The following ITFG1 variants were observed in gnomAD, a reference collection of about 807,000 sequenced individuals.
ITFG1 encodes the protein T-cell immunomodulatory protein.
Under a neutral mutation model 81.8 loss-of-function variants are expected in ITFG1, and 34 were observed. That is an observed-to-expected ratio of 0.42 (90% CI 0.32 to 0.55). The LOEUF is 0.55. Among genes scored for constraint, ITFG1 ranks in the 20% least tolerant of loss-of-function variants. ITFG1 has a pLI of 0.17. For missense variants in ITFG1, 672 were observed against 755.4 expected (o/e 0.89, Z 1.29); for synonymous variants, 285 against 270.6 (o/e 1.05, Z -0.52).
chr16:47,408,263 G>A (rs575153950), intron 6 of ITFG1, among the ~76,000 whole-genome samples: 3 of 152,276 alleles, frequency 2.0e-5, no homozygotes, highest in African/African-American at 7.2e-5. Context: ...TGAAAAGTAT[G>A]TGTGATATTA....
intron 8 of ITFG1, among the ~76,000 whole-genome samples, chr16:47,350,991 C>T (rs1183191296): frequency 1.3e-5 from 2 of 152,110 alleles, no homozygotes; most frequent in South Asian, 2.1e-4. Context: ...GCAGAAAAGG[C>T]CTTTGACAAA....
At chr16:47,251,835 T>G (rs1966079467) in intron 12 of ITFG1, among the ~76,000 whole-genome samples, 1 of 152,248 alleles carries the variant, frequency 6.6e-6, no homozygotes, top group Non-Finnish European at 1.5e-5. Flanking sequence ...TAATAAAAGT[T>G]ATGTGAATGT....
chr16:47,461,117 G>T, upstream of ITFG1: 1 of 1,385,232 alleles, frequency 7.2e-7, no homozygotes, highest in East Asian at 2.5e-5. Context: ...CGCGTTACCG[G>T]CCGAGAGAGT....
intron 14 of ITFG1, among the ~76,000 whole-genome samples, chr16:47,209,718 A>C (rs1263022019): frequency 1.3e-5 from 2 of 151,788 alleles, no homozygotes; most frequent in Non-Finnish European, 2.9e-5. Flanking sequence ...ACCCACACCT[A>C]CTCCTAAATC....
At chr16:47,366,076 G>T (rs939229686) in intron 7 of ITFG1, among the ~76,000 whole-genome samples, 1 of 152,168 alleles carries the variant, frequency 6.6e-6, no homozygotes, top group African/African-American at 2.4e-5. Context: ...AATGTGGTAT[G>T]CTTTCCTTGC....
chr16:47,367,071 C>G (rs775960533), intron 7 of ITFG1, among the ~76,000 whole-genome samples: 9 of 152,218 alleles, frequency 5.9e-5, no homozygotes, highest in African/African-American at 9.6e-5. Flanking sequence ...ACACCACCCC[C>G]TCTTTGGATT....
chr16:47,262,620 A>C (rs1966224362), intron 10 of ITFG1: 1 of 152,232 alleles, frequency 6.6e-6, no homozygotes, highest in Non-Finnish European at 1.5e-5. Context: ...TCTGGTCACA[A>C]TTTCAAATAT....
intron 6 of ITFG1, among the ~76,000 whole-genome samples, chr16:47,409,404 A>ACATTT (rs1968778033): frequency 3.3e-4 from 2 of 6,102 alleles, no homozygotes; most frequent in Admixed American, 3.4e-3. Flanking sequence ...ATATATATAT[A>ACATTT]TTTTTTTTTT....
chr16:47,341,858 T>A (rs1228363220), intron 8 of ITFG1, among the ~76,000 whole-genome samples: 3 of 152,132 alleles, frequency 2.0e-5, no homozygotes, highest in Non-Finnish European at 2.9e-5. Flanking sequence ...TGAAATTACC[T>A]AAACTGACTC....
intron 8 of ITFG1, among the ~76,000 whole-genome samples, chr16:47,338,818 A>G (rs2151576625): frequency 6.6e-6 from 1 of 152,304 alleles, no homozygotes; most frequent in Admixed American, 6.5e-5. Flanking sequence ...GTGCACAAAC[A>G]ATCCAATTCT....
chr16:47,215,318 G>A (rs1311096650), intron 14 of ITFG1, among the ~76,000 whole-genome samples: 1 of 152,120 alleles, frequency 6.6e-6, no homozygotes, highest in Non-Finnish European at 1.5e-5. Context: ...AAAATTTGGG[G>A]CAGGGTTTCA....
At chr16:47,325,084 T>C (rs1967513575) in intron 8 of ITFG1, among the ~76,000 whole-genome samples, 1 of 152,178 alleles carries the variant, frequency 6.6e-6, no homozygotes, top group African/African-American at 2.4e-5. Flanking sequence ...TAGTTGGAAG[T>C]AAAGCACTCC....
chr16:47,208,620 C>T (rs772833823), intron 14 of ITFG1, among the ~76,000 whole-genome samples: 12 of 152,132 alleles, frequency 7.9e-5, no homozygotes, highest in Non-Finnish European at 1.6e-4. Flanking sequence ...CTGTTGGCAA[C>T]CATAAGAAGT....
intron 17 of ITFG1, 125 bp from the exon 18 acceptor site, chr16:47,155,903 C>A: frequency 1.6e-6 from 1 of 607,008 alleles, no homozygotes. Context: ...GATATGATTT[C>A]CTAATTCAAC....
chr16:47,363,095 C>T (rs1049045435), intron 8 of ITFG1, among the ~76,000 whole-genome samples: 1 of 151,908 alleles, frequency 6.6e-6, no homozygotes, highest in Non-Finnish European at 1.5e-5. Context: ...GATGGGGTTT[C>T]ATCATGTTGC....
intron 14 of ITFG1, among the ~76,000 whole-genome samples, chr16:47,198,713 G>A (rs1362872397): frequency 6.6e-6 from 1 of 152,122 alleles, no homozygotes; most frequent in African/African-American, 2.4e-5. Context: ...AACAAGATGT[G>A]GAGGTGGAAG....
chr16:47,192,651 C>T (rs1279749794), intron 14 of ITFG1, among the ~76,000 whole-genome samples: 3 of 152,188 alleles, frequency 2.0e-5, no homozygotes, highest in Non-Finnish European at 1.5e-5. Flanking sequence ...TATTTCACTT[C>T]TCTCATGTCA....
intron 8 of ITFG1, among the ~76,000 whole-genome samples, chr16:47,319,666 T>C (rs773605421): frequency 6.6e-6 from 1 of 152,154 alleles, no homozygotes; most frequent in Admixed American, 6.5e-5. Flanking sequence ...TCTTGTTCCC[T>C]TCCTCCCCCT....
intron 14 of ITFG1, among the ~76,000 whole-genome samples, chr16:47,166,588 C>T (rs918827120): frequency 1.3e-5 from 2 of 151,924 alleles, no homozygotes; most frequent in South Asian, 2.1e-4. Context: ...AAGGAAACAG[C>T]GTAAAAGACA....
Sources: allele counts gnomAD v4.1 joint callset (sites outside exome capture counted in the v4.1 genomes callset), GRCh38; gene constraint gnomAD v4.1.1; transcripts MANE v1.5; gene names NCBI Gene and HGNC (gene_info 2026-07-23, HGNC 2026-07-21).